The following DHRS7 variants were observed in gnomAD, a reference collection of about 807,000 sequenced individuals.
DHRS7 encodes the protein dehydrogenase/reductase 7.
Under a neutral mutation model 38.9 loss-of-function variants are expected in DHRS7, and 34 were observed. The ratio of observed to expected loss-of-function variants is 0.87; its 90% CI spans 0.66 to 1.16. DHRS7 has a LOEUF of 1.16. Ranked by LOEUF, DHRS7 falls within the 50% of genes most tolerant of loss-of-function variation. DHRS7 has a pLI of 0.00. For synonymous variants in DHRS7, 158 were observed against 153.1 expected, an observed-to-expected ratio of 1.03 and a Z score of -0.24; for missense variants, 421 against 407.0, an observed-to-expected ratio of 1.03 and a Z score of -0.30.
intron 1 of DHRS7, among the ~76,000 whole-genome samples, chr14:60,157,591 T>C (rs1374039767): frequency 1.3e-5 from 2 of 152,330 alleles, no homozygotes; most frequent in East Asian, 3.9e-4. Context: ...AAAGGTATTA[T>C]TATCTCAGTT....
chr14:60,158,823 G>C (rs942964563), intron 1 of DHRS7, among the ~76,000 whole-genome samples: 4 of 152,260 alleles, frequency 2.6e-5, no homozygotes, highest in Non-Finnish European at 5.9e-5. Context: ...ATCTCTGAAG[G>C]CTTCAGCTCC....
rs1448906966 is a variant in DHRS7, at chr14:60,153,800, A to T, written c.393+159T>A. ...AAGACATGAAAAGTACTAATTCCATAATGACAAAGGCTCAGAGATTAAGGG... is the reference window on the plus strand; with the variant it reads ...AAGACATGAAAAGTACTAATTCCATTATGACAAAGGCTCAGAGATTAAGGG... On this transcript the variant is annotated intron_variant, in intron 3 of 6. Transcript: ENST00000557185. The surrounding 1 kb of genome is among the most constrained non-coding windows in gnomAD (Gnocchi z 4.4). Among the ~76,000 whole-genome samples, 1 of 152,234 alleles carries T rather than the reference A, an allele frequency of 6.6e-6. No homozygotes were observed. Among genetic ancestry groups the T allele is most frequent in the Non-Finnish European group, 1.5e-5 (1 of 68,038 alleles).
Position 60,150,123 on chromosome 14 carries a change from C to T in DHRS7, c.698G>A (p.Cys233Tyr). ...AATATTTGATTGCACAGGTCCTGGG[C>T]AAATGTTAGAAACTATTATACCTGG... The part of the protein sequence containing the change: ...TYPGIIVSNI[C>Y]PGPVQSNIVE... Residue 233 changes from cysteine (C) to tyrosine (Y), a missense_variant, in exon 5 of 7, where the codon TGC (cysteine) becomes TAC (tyrosine). Cys to Tyr is a radical substitution (Grantham distance 194, BLOSUM62 -2). Coordinates refer to ENST00000557185, the MANE Select transcript of DHRS7 (RefSeq NM_016029.4). 1 of 1,568,402 alleles carries T rather than the reference C, an allele frequency of 6.4e-7. No individual in the cohort carries two copies. Among genetic ancestry groups the T allele is most frequent in the African/African-American group, 1.5e-5 (1 of 66,486 alleles).
upstream of DHRS7, chr14:60,168,802 C>G (rs565997535): frequency 6.5e-7 from 1 of 1,527,644 alleles, no homozygotes; most frequent in South Asian, 1.3e-5. Flanking sequence ...CATTGGCTTG[C>G]AAACATGCTG....
At chr14:60,154,266 A>G (rs1896613253) in intron 2 of DHRS7, among the ~76,000 whole-genome samples, 1 of 152,028 alleles carries the variant, frequency 6.6e-6, no homozygotes, top group South Asian at 2.1e-4. Flanking sequence ...AGGAAGTAGA[A>G]TGGCAACTTG....
At chr14:60,165,670 T>C (rs1310740881), upstream of DHRS7, 1 of 1,050,738 alleles carries the variant, frequency 9.5e-7, no homozygotes, top group African/African-American at 1.7e-5. This position sits in a 1 kb window ranked among gnomAD's most constrained non-coding sequence, Gnocchi z 4.6. Flanking sequence ...ATAAGCTACA[T>C]ATTATACTAC....
intron 4 of DHRS7, 101 bp from the exon 5 acceptor site, chr14:60,150,288 G>C: frequency 8.7e-7 from 1 of 1,146,384 alleles, no homozygotes; most frequent in Non-Finnish European, 1.2e-6. Flanking sequence ...GTAAAGGACA[G>C]GTAGTGTAAT....
chr14:60,150,127 T>TA lies in DHRS7; in HGVS notation c.693_694insT (p.Ile232TyrfsTer26). The TA allele has an allele frequency of 6.2e-7, 1 of 1,607,960 alleles. No individual in the cohort carries two copies. Among genetic ancestry groups the TA allele is most frequent in the African/African-American group, 1.4e-5 (1 of 73,740 alleles). ...TTTGATTGCACAGGTCCTGGGCAAA[T>TA]GTTAGAAACTATTATACCTGGGTAT... On this transcript the variant is annotated frameshift_variant, in exon 5 of 7. Coordinates refer to ENST00000557185, the MANE Select transcript of DHRS7 (RefSeq NM_016029.4). LOFTEE classifies it high-confidence loss of function.
chr14:60,150,069 G>A lies in DHRS7; in HGVS notation c.752C>T (p.Thr251Ile). The A allele has an allele frequency of 1.3e-6, 2 of 1,593,146 alleles. No individual in the cohort carries two copies. The highest frequency in any genetic ancestry group is 1.4e-5 in the African/African-American group (1 of 73,260). ...TTCCCAACTAGAAATTTTTACCTTT[G>A]TGACTTCTCCAGCTAGGGAATTCTC... ...IVENSLAGEV[T>I]KTIGNNGDQS... The change falls in exon 5 of 7, where the codon ACA becomes ATA. Residue 251 changes from threonine to isoleucine, a missense_variant. By Grantham distance (89) the Thr-to-Ile change is moderately conservative. Coordinates refer to ENST00000557185, the MANE Select transcript of DHRS7 (RefSeq NM_016029.4).
upstream of DHRS7, among the ~76,000 whole-genome samples, chr14:60,166,838 C>G (rs1159229082): frequency 2.0e-5 from 3 of 152,172 alleles, no homozygotes; most frequent in South Asian, 2.1e-4. Flanking sequence ...TCTGATGCTT[C>G]TTTTGAAGAG....
intron 1 of DHRS7, among the ~76,000 whole-genome samples, chr14:60,159,543 A>T (rs1896721366): frequency 6.6e-6 from 1 of 152,238 alleles, no homozygotes; most frequent in South Asian, 2.1e-4. Flanking sequence ...TGGAAACTTA[A>T]TTTAGAATAG....
At chr14:60,165,436 G>A, upstream of DHRS7, 4 of 1,391,142 alleles carry the variant, frequency 2.9e-6, no homozygotes, top group Non-Finnish European at 3.7e-6. This position sits in a 1 kb window ranked among gnomAD's most constrained non-coding sequence, Gnocchi z 4.6. Context: ...CTCCGCCCAG[G>A]GAGCAGGCCG....
rs1896580597 is a variant in DHRS7 at position 60,153,054 on chromosome 14, A to G, written c.518T>C (p.Val173Ala). 1.2e-6 allele frequency: 2 copies of G among 1,614,126 alleles called. No homozygotes were observed. Among genetic ancestry groups the G allele is most frequent in the African/African-American group, 2.7e-5 (2 of 74,948 alleles). Residue 173 changes from valine to alanine, a missense_variant, in exon 4 of 7, where the codon GTT (valine) becomes GCT (alanine). Coordinates refer to ENST00000557185, the MANE Select transcript of DHRS7 (RefSeq NM_016029.4). This position sits in a 1 kb window ranked among gnomAD's most constrained non-coding sequence, Gnocchi z 4.4. ...YLGTVSLTKC[V>A]LPHMIERKQG... ...CTTCCTCTCGATCATGTGAGGCAGA[A>G]CACATTTTGTCAAGGACACCGTCCC... is the stretch of plus-strand genomic sequence containing the variant.
chr14:60,160,829 G>A (rs571933978), intron 1 of DHRS7, among the ~76,000 whole-genome samples: 61 of 152,036 alleles, frequency 4.0e-4, no homozygotes, highest in South Asian at 8.3e-4. Flanking sequence ...GAGCTCTAGC[G>A]ATTTGCCCAC....
chr14:60,160,147 G>A (rs529828330), intron 1 of DHRS7, among the ~76,000 whole-genome samples: 13 of 151,994 alleles, frequency 8.6e-5, no homozygotes, highest in Middle Eastern at 3.4e-3. Flanking sequence ...CCAACATGGC[G>A]AAACCCCATC....
intron 4 of DHRS7, 25 bp downstream of exon 4, chr14:60,152,914 C>G (rs942492924): frequency 6.2e-7 from 1 of 1,613,288 alleles, no homozygotes; most frequent in African/African-American, 1.3e-5. Context: ...TCAGTTCTAT[C>G]AGAGTTGAGT....
At chr14:60,168,814 C>A (rs74482477), upstream of DHRS7, 1,055 of 1,506,328 alleles carry the variant, frequency 7.0e-4, 13 homozygotes, top group African/African-American at 0.013. Context: ...AACATGCTGA[C>A]ACTCCTCATA....
upstream of DHRS7, among the ~76,000 whole-genome samples, chr14:60,168,035 C>A (rs939928615): frequency 2.0e-5 from 3 of 152,178 alleles, no homozygotes; most frequent in African/African-American, 7.2e-5. Flanking sequence ...TGGCTGTACC[C>A]CAGCTACAAG....
rs74332161 is a variant in DHRS7, at chr14:60,150,198, A to G, written c.634-11T>C. On this transcript the variant is annotated splice_polypyrimidine_tract_variant and intron_variant, in intron 4 of 6. Transcript: ENST00000557185. ...GCCATTAAAAAAACCCTAACAGACAAAAAAAAAAAAAAAGGAAAAAGGCAA... is the reference window on the plus strand; with the variant it reads ...GCCATTAAAAAAACCCTAACAGACAGAAAAAAAAAAAAAGGAAAAAGGCAA... The G allele has an allele frequency of 1.3e-5, 11 of 836,952 alleles. No individual in the cohort carries two copies. The highest frequency in any genetic ancestry group is 1.8e-5 in the Non-Finnish European group (11 of 597,192). 51.8% of individuals were successfully genotyped at this position (836,952 alleles called of 1,614,324 possible). A position where few individuals can be genotyped will look rare whatever the true frequency, so the allele number is the denominator to read the frequency against.
Sources: gnomAD v4.1 joint callset for allele counts (sites outside exome capture counted in the v4.1 genomes callset) on GRCh38, gnomAD v4.1.1 for gene constraint, Gnocchi (gnomAD v3.1) non-coding constraint, MANE v1.5 for transcripts, NCBI Gene and HGNC (gene_info 2026-07-23, HGNC 2026-07-21) for gene names.